Variants in CUX2 observed in about 807,000 individuals in gnomAD.
CUX2 encodes the protein cut like homeobox 2.
Under a neutral mutation model 144.8 loss-of-function variants are expected in CUX2, and 40 were observed. That is an observed-to-expected ratio of 0.28 (90% CI 0.21 to 0.36). The LOEUF is 0.36. CUX2 is among the 10% of genes least tolerant of loss of function. The pLI is 1.00. For missense variants in CUX2, 1,615 were observed against 1,994.0 expected (o/e 0.81, Z 3.62); for synonymous variants, 827 against 875.6 (o/e 0.94, Z 0.98).
chr12:111,069,533 T>TGTGTGTGTGTGTGTGTGTGTGCGCGC (rs1555266238), intron 1 of CUX2, among the ~76,000 whole-genome samples: 1 of 148,138 alleles, frequency 6.8e-6, no homozygotes, highest in South Asian at 2.2e-4. Flanking sequence ...TGTGTGTGTG[T>TGTGTGTGTGTGTGTGTGTGTGCGCGC]GTGTGTGTGT....
chr12:111,052,239 G>T lies in CUX2; in HGVS notation c.63+17999G>T, dbSNP rs146022558. Reference sequence around the variant, plus strand: ...TTGGGGCAGCTGCCTGCTCCACCTTGTATGGCCCCATGAGGCTGTGCACCC... The same window carrying T: ...TTGGGGCAGCTGCCTGCTCCACCTTTTATGGCCCCATGAGGCTGTGCACCC... On this transcript the variant is annotated intron_variant, in intron 1 of 21. Transcript: ENST00000261726. Among the ~76,000 whole-genome samples, 958 of 152,230 alleles carry T rather than the reference G, an allele frequency of 6.3e-3. 10 individuals carry two copies. The highest frequency in any genetic ancestry group is 9.5e-3 in the Non-Finnish European group (646 of 68,012).
chr12:111,093,886 C>G (rs1424580076), intron 1 of CUX2, among the ~76,000 whole-genome samples: 2 of 152,162 alleles, frequency 1.3e-5, no homozygotes, highest in Non-Finnish European at 2.9e-5. Context: ...CTTGGCGGAG[C>G]CTTTGTGCGG....
At chr12:111,343,507 A>G (rs1888666997) in intron 21 of CUX2, among the ~76,000 whole-genome samples, 2 of 152,074 alleles carry the variant, frequency 1.3e-5, no homozygotes, top group East Asian at 3.9e-4. Flanking sequence ...CATCCATTCC[A>G]GGGGGAGAGA....
Position 111,287,634 on chromosome 12 carries a change from G to T in CUX2, c.302-3784G>T, listed in dbSNP as rs1592920610. 1.3e-5 allele frequency among the ~76,000 whole-genome samples: 2 copies of T among 152,374 alleles called. 1 individual carries two copies. Among genetic ancestry groups the T allele is most frequent in the East Asian group, 3.9e-4 (2 of 5,192 alleles). ...ATGTATAATTACATCAGCCCGGGGA[G>T]ACATAATGGCATACCCTGCTGCGCA... On this transcript the variant is annotated intron_variant, in intron 4 of 21. Transcript: ENST00000261726. The surrounding 1 kb of genome is among the most constrained non-coding windows in gnomAD (Gnocchi z 4.2).
chr12:111,251,343 G>C (rs1338322159), intron 3 of CUX2, among the ~76,000 whole-genome samples: 1 of 152,144 alleles, frequency 6.6e-6, no homozygotes, highest in Non-Finnish European at 1.5e-5. Flanking sequence ...AAAAGGAAAA[G>C]GGAAAAAAGC....
intron 1 of CUX2, among the ~76,000 whole-genome samples, chr12:111,195,453 C>G (rs576875880): frequency 6.6e-6 from 1 of 152,196 alleles, no homozygotes. Flanking sequence ...TCCCGGCCAG[C>G]GGGGCATCAC....
intron 1 of CUX2, among the ~76,000 whole-genome samples, chr12:111,074,448 C>T (rs1368777244): frequency 6.6e-6 from 1 of 152,074 alleles, no homozygotes; most frequent in East Asian, 1.9e-4. Context: ...GGGAAACATT[C>T]TAGCTGTTCC....
chr12:111,166,260 G>A (rs1033576188), intron 1 of CUX2, among the ~76,000 whole-genome samples: 4 of 152,148 alleles, frequency 2.6e-5, no homozygotes, highest in Admixed American at 6.5e-5. Context: ...GGCCTCAAGC[G>A]ATTCTCCTGC....
intron 1 of CUX2, among the ~76,000 whole-genome samples, chr12:111,163,960 T>A (rs1877955365): frequency 6.6e-6 from 1 of 152,182 alleles, no homozygotes; most frequent in South Asian, 2.1e-4. Flanking sequence ...CTTGAGCAGG[T>A]GACTTTGTCT....
chr12:111,238,646 G>A (rs970258399), intron 3 of CUX2, among the ~76,000 whole-genome samples: 8 of 152,260 alleles, frequency 5.3e-5, no homozygotes, highest in South Asian at 2.1e-4. Flanking sequence ...ACTATGTGCC[G>A]AGCTCTGGGG....
chr12:111,299,856 A>G (rs963534235), intron 9 of CUX2, among the ~76,000 whole-genome samples: 1 of 152,194 alleles, frequency 6.6e-6, no homozygotes, highest in East Asian at 1.9e-4. Flanking sequence ...TGGTCAATCC[A>G]TTCACAAGCC....
In CUX2 at chr12:111,307,901, T is replaced by G. The variant is rs1373183498; in HGVS notation, c.1110-384T>G. Among the ~76,000 whole-genome samples the G allele has an allele frequency of 6.6e-6, 1 of 151,508 alleles. No individual in the cohort carries two copies. Among genetic ancestry groups the G allele is most frequent in the Non-Finnish European group, 1.5e-5 (1 of 67,874 alleles). On this transcript the variant is annotated intron_variant, in intron 12 of 21. Coordinates refer to ENST00000261726, the MANE Select transcript of CUX2 (RefSeq NM_015267.4). This position sits in a 1 kb window ranked among gnomAD's most constrained non-coding sequence, Gnocchi z 4.1. ...GGGAGGCTGAGGCAGGAGAATCGCTTGAACCTGGGAGGCAGAGATCGTGCC... is the reference window on the plus strand; with the variant it reads ...GGGAGGCTGAGGCAGGAGAATCGCTGGAACCTGGGAGGCAGAGATCGTGCC...
intron 8 of CUX2, among the ~76,000 whole-genome samples, chr12:111,297,176 G>A (rs1017844483): frequency 2.8e-5 from 4 of 143,964 alleles, no homozygotes; most frequent in Non-Finnish European, 4.5e-5. Flanking sequence ...TCCCAGACAC[G>A]CCTCCTCTCT....
intron 1 of CUX2, among the ~76,000 whole-genome samples, chr12:111,122,359 G>A (rs997331199): frequency 6.6e-6 from 1 of 152,012 alleles, no homozygotes; most frequent in South Asian, 2.1e-4. Context: ...TGTTTTTATA[G>A]AAGAAAATCA....
intron 1 of CUX2, among the ~76,000 whole-genome samples, chr12:111,136,150 C>A (rs1413726424): frequency 1.3e-5 from 2 of 151,612 alleles, no homozygotes; most frequent in Non-Finnish European, 2.9e-5. Context: ...TGGATTGGAG[C>A]CGGGACCCCA....
chr12:111,075,870 C>G (rs1356561349), intron 1 of CUX2, among the ~76,000 whole-genome samples: 1 of 152,098 alleles, frequency 6.6e-6, no homozygotes, highest in East Asian at 1.9e-4. Context: ...TCCATCAGAC[C>G]AAGTGGGAAA....
chr12:111,209,142 G>T (rs907698292), intron 1 of CUX2, among the ~76,000 whole-genome samples: 13 of 152,286 alleles, frequency 8.5e-5, no homozygotes, highest in African/African-American at 2.4e-4. Context: ...GAACTGGGTA[G>T]TGCTTACTCA....
At chr12:111,048,751 T>G (rs2136009296) in intron 1 of CUX2, among the ~76,000 whole-genome samples, 1 of 152,314 alleles carries the variant, frequency 6.6e-6, no homozygotes, top group African/African-American at 2.4e-5. Context: ...GCAGGTATTC[T>G]GTCCCAGGGG....
chr12:111,302,846 G>A (rs1338431985), intron 9 of CUX2, among the ~76,000 whole-genome samples: 1 of 148,500 alleles, frequency 6.7e-6, no homozygotes, highest in East Asian at 2.0e-4. Context: ...GTTGCAGTGA[G>A]CCAAGATTGT....
Sources: gnomAD v4.1 joint callset for allele counts (sites outside exome capture counted in the v4.1 genomes callset) on GRCh38, gnomAD v4.1.1 for gene constraint, Gnocchi (gnomAD v3.1) non-coding constraint, MANE v1.5 for transcripts, NCBI Gene and HGNC (gene_info 2026-07-23, HGNC 2026-07-21) for gene names.